KATNAL2: variants seen among roughly 807,000 people sequenced by gnomAD.
KATNAL2 encodes katanin p60 ATPase-containing subunit A-like 2.
A neutral mutation model predicts 76.3 loss-of-function variants in KATNAL2; 52 were observed. The ratio of observed to expected loss-of-function variants is 0.68; its 90% CI spans 0.55 to 0.86. KATNAL2 has a LOEUF of 0.86. Ranked by LOEUF, KATNAL2 falls within the 40% of genes least tolerant of loss-of-function variation. KATNAL2 has a pLI of 0.00. For missense variants in KATNAL2, 660 were observed against 668.9 expected, an observed-to-expected ratio of 0.99 and a Z score of 0.15; for synonymous variants, 243 against 244.2, an observed-to-expected ratio of 1.00 and a Z score of 0.05.
chr18:47,046,030 T>G (rs2061146455), intron 3 of KATNAL2, among the ~76,000 whole-genome samples: 1 of 152,222 alleles, frequency 6.6e-6, no homozygotes, highest in African/African-American at 2.4e-5. Flanking sequence ...TGGGCGGGGC[T>G]CTGAGTGAAC....
At chr18:46,933,220 A>T (rs757373015) in intron 1 of KATNAL2, among the ~76,000 whole-genome samples, 1 of 152,228 alleles carries the variant, frequency 6.6e-6, no homozygotes, top group Non-Finnish European at 1.5e-5. Flanking sequence ...AGAAGCAAAT[A>T]TCTAATATAA....
At chr18:46,923,332 G>A (rs2058631814) in intron 1 of KATNAL2, among the ~76,000 whole-genome samples, 1 of 148,462 alleles carries the variant, frequency 6.7e-6, no homozygotes, top group Non-Finnish European at 1.5e-5. Context: ...TTGGTTTTTT[G>A]TCCTTGCGAT....
intron 10 of KATNAL2, 39 bp from the exon 11 acceptor site, chr18:47,066,982 A>C (rs752732858): frequency 8.2e-7 from 1 of 1,222,596 alleles, no homozygotes; most frequent in East Asian, 2.4e-5. Context: ...TGTAGAGGAA[A>C]ACATCAGTTT....
chr18:47,077,757 T>C (rs1232652506), intron 15 of KATNAL2, among the ~76,000 whole-genome samples: 1 of 152,186 alleles, frequency 6.6e-6, no homozygotes, highest in East Asian at 1.9e-4. Context: ...GGCATAGAAC[T>C]ACAAAATGCT....
At chr18:47,084,445 C>T (rs1393100144) in intron 15 of KATNAL2, 1 of 701,562 alleles carries the variant, frequency 1.4e-6, no homozygotes, top group African/African-American at 1.7e-5. Flanking sequence ...TGCCACAGGT[C>T]AGCAAGCATT....
intron 3 of KATNAL2, among the ~76,000 whole-genome samples, chr18:47,035,946 A>G (rs889318832): frequency 6.6e-6 from 1 of 152,248 alleles, no homozygotes; most frequent in South Asian, 2.1e-4. Context: ...CAAATTTGTC[A>G]AAACAGGGAT....
intron 3 of KATNAL2, chr18:47,035,031 G>A: frequency 1.2e-6 from 2 of 1,611,752 alleles, no homozygotes; most frequent in East Asian, 2.2e-5. Context: ...TTCGGTCCAC[G>A]AGCACCAGCT....
At chr18:47,032,521 T>C (rs1192912690) in intron 3 of KATNAL2, 1 of 196,410 alleles carries the variant, frequency 5.1e-6, no homozygotes, top group East Asian at 1.4e-4. Context: ...GGAGGATGGC[T>C]CACGATTACA....
chr18:47,085,138 C>A (rs1337441051), intron 15 of KATNAL2, among the ~76,000 whole-genome samples: 1 of 152,192 alleles, frequency 6.6e-6, no homozygotes, highest in Non-Finnish European at 1.5e-5. Context: ...GGCGATTAAG[C>A]TTTACAGCCC....
chr18:47,032,944 C>T, intron 3 of KATNAL2: 2 of 1,612,468 alleles, frequency 1.2e-6, no homozygotes, highest in South Asian at 2.2e-5. Context: ...CCCCAACCCG[C>T]ATTGACTTTG....
At position 47,033,131 on chromosome 18, in the gene KATNAL2, G is replaced by A. The variant is rs369081623; in HGVS notation, c.52-13326G>A. ...TGCTCATTGCTGCTGCTCAGGCAGG[G>A]GTTGGCCCGCTTCTCAGGGAGCCAG... On this transcript the variant is annotated intron_variant, in intron 3 of 17. Coordinates refer to ENST00000683218, the MANE Select transcript of KATNAL2 (RefSeq NM_001387690.1). 39 of 1,614,112 alleles carry A rather than the reference G, an allele frequency of 2.4e-5. No homozygotes were observed. The African/African-American group carries it at 4.7e-4, about 19-fold the overall frequency.
At chr18:46,936,651 C>T (rs1412209145) in intron 1 of KATNAL2, among the ~76,000 whole-genome samples, 1 of 152,080 alleles carries the variant, frequency 6.6e-6, no homozygotes, top group Non-Finnish European at 1.5e-5. Flanking sequence ...GATGAAAATA[C>T]TACATATCCA....
intron 15 of KATNAL2, among the ~76,000 whole-genome samples, chr18:47,091,535 G>A (rs1428490029): frequency 6.6e-6 from 1 of 152,054 alleles, no homozygotes; most frequent in Admixed American, 6.6e-5. Flanking sequence ...ATGATTCCTG[G>A]GTACATTCCA....
At chr18:46,937,017 A>G (rs1183140290) in intron 1 of KATNAL2, among the ~76,000 whole-genome samples, 1 of 152,166 alleles carries the variant, frequency 6.6e-6, no homozygotes, top group Admixed American at 6.5e-5. Context: ...CTATAAACCA[A>G]TGTGGGAGGT....
At chr18:46,920,449 A>G (rs575879415) in intron 1 of KATNAL2, among the ~76,000 whole-genome samples, 1 of 152,284 alleles carries the variant, frequency 6.6e-6, no homozygotes, top group South Asian at 2.1e-4. Context: ...AAAATCACAC[A>G]CACACAAAAT....
At chr18:47,061,073 C>A (rs2147142328) in intron 8 of KATNAL2, among the ~76,000 whole-genome samples, 1 of 152,348 alleles carries the variant, frequency 6.6e-6, no homozygotes, top group Non-Finnish European at 1.5e-5. Flanking sequence ...ATGTAGATGG[C>A]TTTCTCCCTA....
chr18:47,043,205 C>T (rs2576047), intron 3 of KATNAL2, among the ~76,000 whole-genome samples: 2 of 82,912 alleles, frequency 2.4e-5, no homozygotes, highest in Non-Finnish European at 4.7e-5. Context: ...CCAGCCCCGG[C>T]GACAGAGCGA....
chr18:47,042,627 C>G (rs1454733408), intron 3 of KATNAL2, among the ~76,000 whole-genome samples: 3 of 151,876 alleles, frequency 2.0e-5, no homozygotes, highest in Non-Finnish European at 4.4e-5. Context: ...ATGTTATTAT[C>G]TAAATAAATT....
chr18:47,047,973 T>G (rs1421296874), intron 4 of KATNAL2, among the ~76,000 whole-genome samples: 1 of 152,148 alleles, frequency 6.6e-6, no homozygotes, highest in East Asian at 1.9e-4. Flanking sequence ...TCCCAGTCAC[T>G]GAGATTAGGG....
Sources: allele counts gnomAD v4.1 joint callset (sites outside exome capture counted in the v4.1 genomes callset), GRCh38; gene constraint gnomAD v4.1.1; transcripts MANE v1.5; gene names NCBI Gene and HGNC (gene_info 2026-07-23, HGNC 2026-07-21).